The following TMEM182 variants were observed in gnomAD, a reference collection of about 807,000 sequenced individuals.
The protein encoded by TMEM182 is transmembrane protein 182.
A neutral mutation model predicts 26.8 loss-of-function variants in TMEM182; 20 were observed. That is an observed-to-expected ratio of 0.75 (90% confidence interval 0.53 to 1.09). The LOEUF (loss-of-function observed/expected upper bound fraction) is 1.09, where lower values mean the gene tolerates loss of function less well. TMEM182 is among the 50% of genes least tolerant of loss of function. The probability of loss-of-function intolerance (pLI) is 0.00; values close to 1 mark genes in which losing one functional copy is unlikely to be tolerated. For synonymous variants in TMEM182, 109 were observed against 102.2 expected, an observed-to-expected ratio of 1.07 and a Z score of -0.40; for missense variants, 277 against 275.5, an observed-to-expected ratio of 1.01 and a Z score of -0.04.
rs561444832 is a variant in TMEM182, at chr2:102,748,156, C to T, written c.-82-10233C>T. Among the ~76,000 whole-genome samples the T allele has an allele frequency of 3.9e-4, 59 of 152,308 alleles. 1 individual carries two copies. In the South Asian group the frequency reaches 0.012, roughly 30 times the overall value. ...AATCCTTGGATTGGGAGTAACTTTC[C>T]GTGTAGGCACAAACAACCAAAATCC... On this transcript the variant is annotated intron_variant, in intron 1 of 5. Coordinates refer to the TMEM182 transcript ENST00000409173.
chr2:102,761,052 G>A (rs1248034842), upstream of TMEM182, among the ~76,000 whole-genome samples: 1 of 152,320 alleles, frequency 6.6e-6, no homozygotes, highest in East Asian at 1.9e-4. Flanking sequence ...GTAGAGTTGA[G>A]ATGCCCCCTT....
upstream of TMEM182, among the ~76,000 whole-genome samples, chr2:102,761,116 G>C (rs751110471): frequency 1.3e-5 from 2 of 152,078 alleles, no homozygotes; most frequent in Non-Finnish European, 2.9e-5. Context: ...ATAACCAAAG[G>C]AACGGTGCAA....
intron 3 of TMEM182, among the ~76,000 whole-genome samples, chr2:102,838,760 G>T (rs1683295726): frequency 6.6e-6 from 1 of 152,148 alleles, no homozygotes; most frequent in African/African-American, 2.4e-5. Context: ...GTGGTGAAAT[G>T]AATGTAGAAG....
At chr2:102,774,770 T>C (rs1170028692) in intron 3 of TMEM182, among the ~76,000 whole-genome samples, 1 of 152,196 alleles carries the variant, frequency 6.6e-6, no homozygotes, top group Non-Finnish European at 1.5e-5. Flanking sequence ...ATCCTACTTG[T>C]ATGGGACTAA....
At chr2:102,799,065 G>A (rs1682001648) in intron 4 of TMEM182, among the ~76,000 whole-genome samples, 1 of 152,172 alleles carries the variant, frequency 6.6e-6, no homozygotes, top group Non-Finnish European at 1.5e-5. Context: ...GGAAACATAA[G>A]CACAGGCTAT....
In TMEM182 at chr2:102,816,469, A is replaced by G. The variant is rs1682753955; in HGVS notation, c.*1501A>G. 2.6e-5 allele frequency: 26 copies of G among 984,750 alleles called. No individual in the cohort carries two copies. The highest frequency in any genetic ancestry group is 2.9e-5 in the Non-Finnish European group (24 of 829,826). 61.0% of individuals were successfully genotyped at this position (984,750 alleles called of 1,614,324 possible). On this transcript the variant is annotated 3_prime_UTR_variant, in exon 5 of 5. Transcript: ENST00000412401. ...TGGGAAGGAGCTTTGGAAAAATTGC[A>G]AAGGTCTGAATCTTCAGGGCATTTT...
At chr2:102,790,583 T>A (rs1681593382) in intron 3 of TMEM182, among the ~76,000 whole-genome samples, 1 of 152,122 alleles carries the variant, frequency 6.6e-6, no homozygotes, top group Non-Finnish European at 1.5e-5. Context: ...CACACACACA[T>A]GTTAGTGTGC....
chr2:102,761,255 G>A (rs1055459618), upstream of TMEM182, among the ~76,000 whole-genome samples: 1 of 151,888 alleles, frequency 6.6e-6, no homozygotes, highest in Non-Finnish European at 1.5e-5. Context: ...CTATTAGGTG[G>A]TCTGTGTGAG....
chr2:102,764,206 T>C lies in TMEM182; in HGVS notation c.233-123T>C, dbSNP rs1432047241. 3.3e-6 allele frequency: 3 copies of C among 916,158 alleles called. No individual in the cohort carries two copies. The East Asian group carries it at 7.7e-5, about 23-fold the overall frequency. The allele number at this position is 916,158 out of a possible 1,614,324, so 56.8% of individuals were successfully genotyped here. ...CCTCACAACAATTCGCTGAATTTGC[T>C]GATGGAACCAGTAGTTTTGTTTTGC... On this transcript the variant is annotated intron_variant, in intron 2 of 4. Coordinates refer to ENST00000412401, the MANE Select transcript of TMEM182 (RefSeq NM_144632.5).
Position 102,793,090 on chromosome 2 carries a change from T to A in TMEM182, c.332-4773T>A, listed in dbSNP as rs368804122. ...CTTCCCTGGCTCATCTGATTCGGGC[T>A]GTCAGTGCCTCATGTGAGCTTCTGC... is the stretch of plus-strand genomic sequence containing the variant. On this transcript the variant is annotated intron_variant, in intron 3 of 4. Transcript: ENST00000412401. Among the ~76,000 whole-genome samples, 163 of 152,340 alleles carry A rather than the reference T, an allele frequency of 1.1e-3. 3 individuals carry two copies. The South Asian group carries it at 0.019, about 17-fold the overall frequency.
chr2:102,799,843 T>A (rs532731859), intron 4 of TMEM182, among the ~76,000 whole-genome samples: 55 of 152,314 alleles, frequency 3.6e-4, no homozygotes, highest in Middle Eastern at 6.8e-3. Flanking sequence ...TTCTGGTTTC[T>A]ATGATTCACC....
intron 1 of TMEM182, among the ~76,000 whole-genome samples, chr2:102,753,704 C>T (rs556480361): frequency 3.9e-5 from 6 of 152,230 alleles, no homozygotes; most frequent in Admixed American, 6.5e-5. Flanking sequence ...AAATTCCCAA[C>T]AACTGACTGT....
rs1327981595 is a variant in TMEM182, at chr2:102,817,524, A to G, written c.*2556A>G. 1 of 985,426 alleles carries G rather than the reference A, an allele frequency of 1.0e-6. No homozygotes were observed. The highest frequency in any genetic ancestry group is 1.2e-6 in the Non-Finnish European group (1 of 829,922). 61.0% of individuals were successfully genotyped at this position (985,426 alleles called of 1,614,324 possible). ...AGAGACTACACAGAGAAGTTTAATG[A>G]TCGTGTACAATTTGAGGGTTGATGG... On this transcript the variant is annotated 3_prime_UTR_variant, in exon 5 of 5. Transcript: ENST00000412401.
At chr2:102,839,054 T>A (rs1004783671) in intron 3 of TMEM182, among the ~76,000 whole-genome samples, 4 of 152,238 alleles carry the variant, frequency 2.6e-5, no homozygotes, top group African/African-American at 9.6e-5. Context: ...TGTTTGTTTC[T>A]GATAAAGAGG....
intron 3 of TMEM182, among the ~76,000 whole-genome samples, chr2:102,776,526 C>T (rs1001656252): frequency 1.3e-5 from 2 of 152,158 alleles, no homozygotes; most frequent in East Asian, 3.9e-4. Flanking sequence ...AATAATGTCT[C>T]ATTAGTGGGT....
At chr2:102,841,422 C>A (rs532361079) in intron 3 of TMEM182, among the ~76,000 whole-genome samples, 4 of 152,272 alleles carry the variant, frequency 2.6e-5, no homozygotes, top group African/African-American at 7.2e-5. Context: ...CTGAGCAGTT[C>A]CTTCTTCCCA....
At chr2:102,832,746 A>G (rs532766560) in intron 3 of TMEM182, among the ~76,000 whole-genome samples, 3 of 152,328 alleles carry the variant, frequency 2.0e-5, no homozygotes, top group African/African-American at 7.2e-5. Context: ...TTGTTTTCAG[A>G]AAGCTATTCA....
At chr2:102,827,842 C>A (rs899417054) in intron 3 of TMEM182, among the ~76,000 whole-genome samples, 12 of 152,116 alleles carry the variant, frequency 7.9e-5, no homozygotes, top group African/African-American at 2.9e-4. Context: ...TGTGGTGGCT[C>A]ACACCTGTAA....
intron 4 of TMEM182, among the ~76,000 whole-genome samples, chr2:102,801,956 A>G (rs952370004): frequency 2.0e-5 from 3 of 152,168 alleles, no homozygotes; most frequent in African/African-American, 7.2e-5. Flanking sequence ...GTTTACCAAG[A>G]GCAGGGAGAG....
Sources: gnomAD v4.1 joint callset for allele counts (sites outside exome capture counted in the v4.1 genomes callset) on GRCh38, gnomAD v4.1.1 for gene constraint, MANE v1.5 for transcripts, NCBI Gene and HGNC (gene_info 2026-07-23, HGNC 2026-07-21) for gene names.